The following DCLRE1C variants were observed in gnomAD, a reference collection of about 807,000 sequenced individuals.
DCLRE1C encodes the protein DNA cross-link repair 1C.
Under a neutral mutation model 61.4 loss-of-function variants are expected in DCLRE1C, and 47 were observed. The observed-to-expected ratio is 0.77, with a 90% CI of 0.61 to 0.98. The LOEUF is 0.98. Among genes scored for constraint, DCLRE1C ranks in the 50% least tolerant of loss-of-function variants. The pLI, the probability that DCLRE1C is intolerant of heterozygous loss-of-function variation, is 0.00. For synonymous variants in DCLRE1C, 337 were observed against 287.6 expected, an observed-to-expected ratio of 1.17 and a Z score of -1.74; for missense variants, 858 against 816.0, an observed-to-expected ratio of 1.05 and a Z score of -0.63.
intron 9 of DCLRE1C, among the ~76,000 whole-genome samples, chr10:14,929,075 C>G (rs1048604268): frequency 4.6e-5 from 7 of 152,190 alleles, no homozygotes; most frequent in African/African-American, 1.4e-4. Context: ...CCACTGGGCC[C>G]AGACCCTTGT....
intron 13 of DCLRE1C, among the ~76,000 whole-genome samples, chr10:14,919,506 C>A (rs535466968): frequency 6.6e-6 from 1 of 152,312 alleles, no homozygotes; most frequent in Non-Finnish European, 1.5e-5. Context: ...GAACACCACA[C>A]ACGATGGCAC....
chr10:14,914,576 C>A (rs926246901), intron 13 of DCLRE1C, among the ~76,000 whole-genome samples: 2 of 152,224 alleles, frequency 1.3e-5, no homozygotes, highest in Admixed American at 1.3e-4. Flanking sequence ...TTGAAGTACA[C>A]ATTAAACATT....
chr10:14,925,739 T>C (rs1271468996), intron 11 of DCLRE1C, among the ~76,000 whole-genome samples: 1 of 152,240 alleles, frequency 6.6e-6, no homozygotes, highest in African/African-American at 2.4e-5. Context: ...TTCAGTATTA[T>C]GACTGGTCAC....
chr10:14,902,423 T>G, downstream of DCLRE1C: 2 of 1,608,792 alleles, frequency 1.2e-6, no homozygotes, highest in Non-Finnish European at 1.7e-6. Flanking sequence ...AGATATATCT[T>G]CAGATTCTAT....
intron 13 of DCLRE1C, among the ~76,000 whole-genome samples, chr10:14,917,024 A>G (rs532555899): frequency 6.6e-6 from 1 of 152,354 alleles, no homozygotes; most frequent in East Asian, 1.9e-4. Flanking sequence ...AGCTACAGTA[A>G]TCGAGATGGG....
chr10:14,950,642 T>C (rs1288873136), intron 1 of DCLRE1C, among the ~76,000 whole-genome samples: 1 of 152,190 alleles, frequency 6.6e-6, no homozygotes, highest in East Asian at 1.9e-4. Flanking sequence ...CTGGGCAGCA[T>C]TCTCCGTAAT....
upstream of DCLRE1C, chr10:14,954,185 T>G (rs1221835223): frequency 8.8e-6 from 10 of 1,133,480 alleles, no homozygotes; most frequent in Middle Eastern, 2.7e-4. Context: ...GAGCATCCGG[T>G]CGGGTTCTAG....
At chr10:14,926,657 C>CA (rs74328549) in intron 11 of DCLRE1C, among the ~76,000 whole-genome samples, 186 bp downstream of exon 11, 12,013 of 64,126 alleles carry the variant, frequency 0.19, 738 homozygotes, top group Middle Eastern at 0.25. Context: ...CTGTCTCAAC[C>CA]AAAAAAAAAA....
At chr10:14,901,937 C>G (rs1365770357), downstream of DCLRE1C, among the ~76,000 whole-genome samples, 4 of 152,084 alleles carry the variant, frequency 2.6e-5, no homozygotes, top group Admixed American at 1.3e-4. Flanking sequence ...CTACTTGAAC[C>G]TGGCTTTTAA....
intron 13 of DCLRE1C, among the ~76,000 whole-genome samples, chr10:14,918,558 C>CA (rs1418834194): frequency 3.5e-5 from 5 of 143,390 alleles, no homozygotes; most frequent in African/African-American, 7.8e-5. Flanking sequence ...TATGCATATA[C>CA]AAAAAATTTA....
At chr10:14,944,786 T>C (rs1482309622) in intron 3 of DCLRE1C, among the ~76,000 whole-genome samples, 1 of 150,898 alleles carries the variant, frequency 6.6e-6, no homozygotes, top group Non-Finnish European at 1.5e-5. Context: ...GCAATTATCC[T>C]GCCTCAGCCT....
chr10:14,913,082 CT>C (rs1336702795), intron 13 of DCLRE1C, among the ~76,000 whole-genome samples: 1 of 152,190 alleles, frequency 6.6e-6, no homozygotes, highest in African/African-American at 2.4e-5. Flanking sequence ...GTCTCGATCT[CT>C]CTGACCTCAT....
intron 3 of DCLRE1C, among the ~76,000 whole-genome samples, chr10:14,944,302 C>A (rs772308332): frequency 6.6e-6 from 1 of 152,076 alleles, no homozygotes; most frequent in Non-Finnish European, 1.5e-5. Flanking sequence ...AGTTTGAGAC[C>A]TGCCTGACCA....
chr10:14,899,210 G>C (rs1352028603), exon 14 of DCLRE1C: 2 of 702,028 alleles, frequency 2.8e-6, no homozygotes, highest in Admixed American at 4.0e-5. Flanking sequence ...GATCCAGCTA[G>C]TCAGGAGGCT....
intron 4 of DCLRE1C, among the ~76,000 whole-genome samples, chr10:14,937,366 A>T (rs190479795): frequency 2.7e-5 from 4 of 147,860 alleles, no homozygotes; most frequent in Non-Finnish European, 4.5e-5. Context: ...GCTCACTGCA[A>T]CCTCTGCCTC....
chr10:14,927,003 T>A, intron 10 of DCLRE1C, 106 bp from the exon 11 acceptor site: 1 of 869,300 alleles, frequency 1.2e-6, no homozygotes. Flanking sequence ...ACCACTCTAA[T>A]GGGCTCGCTT....
chr10:14,908,646 A>G lies in DCLRE1C; in HGVS notation c.1841T>C (p.Ile614Thr). Residue 614 changes from isoleucine (I) to threonine (T), a missense_variant, in exon 14 of 14, where the codon ATA becomes ACA. Physicochemically the swap from Ile to Thr is moderately conservative, Grantham distance 89. This residue lies in a region of DCLRE1C where 843 missense variants were observed against 783.5 expected (regional missense o/e 1.08). Coordinates refer to ENST00000378278, the MANE Select transcript of DCLRE1C (RefSeq NM_001033855.3). ...DLKSRDKDVT[I>T]VPSTGEPTTL... ...AGTTGGTTCTCCAGTACTAGGAACT[A>G]TTGTCACATCTTTATCTCTGCTTTT... 6.2e-7 allele frequency: 1 copy of G among 1,614,134 alleles called. No homozygotes were observed. The highest frequency in any genetic ancestry group is 8.5e-7 in the Non-Finnish European group (1 of 1,180,022).
chr10:14,947,239 CAAAA>C (rs1456868245), intron 2 of DCLRE1C, among the ~76,000 whole-genome samples: 7 of 131,558 alleles, frequency 5.3e-5, no homozygotes, highest in East Asian at 4.4e-4. Context: ...AACAAACAAA[CAAAA>C]AAACATGCCA....
intron 11 of DCLRE1C, 172 bp from the exon 12 acceptor site, chr10:14,923,241 CT>C: frequency 1.6e-6 from 1 of 614,056 alleles, no homozygotes; most frequent in Non-Finnish European, 3.0e-6. Flanking sequence ...TATCCAATGC[CT>C]GGGCCTCACT....
Sources: allele counts gnomAD v4.1 joint callset (sites outside exome capture counted in the v4.1 genomes callset), GRCh38; gene constraint gnomAD v4.1.1; regional missense constraint gnomAD v4.1.1; transcripts MANE v1.5; gene names NCBI Gene and HGNC (gene_info 2026-07-23, HGNC 2026-07-21).